The following GPR160 variants were observed in gnomAD, a reference collection of about 807,000 sequenced individuals.
GPR160 encodes G protein-coupled receptor 160.
In GPR160, 2 loss-of-function variants were observed where a neutral mutation model predicts 2.6. That is an observed-to-expected ratio of 0.77 (90% confidence interval 0.32 to 2.44). GPR160 has a LOEUF of 2.44. GPR160 is among the 30% of genes most tolerant of loss of function. GPR160 has a pLI of 0.11. For missense variants in GPR160, 351 were observed against 383.6 expected (o/e 0.91, Z 0.71); for synonymous variants, 130 against 132.2 (o/e 0.98, Z 0.12).
chr3:170,048,567 A>C (rs1716830634), intron 2 of GPR160, among the ~76,000 whole-genome samples: 1 of 152,144 alleles, frequency 6.6e-6, no homozygotes, highest in African/African-American at 2.4e-5. Flanking sequence ...CATCATTCCA[A>C]TTTGAATGCA....
intron 3 of GPR160, among the ~76,000 whole-genome samples, chr3:170,081,760 G>A (rs941048505): frequency 6.6e-6 from 1 of 152,032 alleles, no homozygotes; most frequent in African/African-American, 2.4e-5. Flanking sequence ...AGTGTCCACT[G>A]TCCCCTTCTT....
intron 2 of GPR160, among the ~76,000 whole-genome samples, chr3:170,042,365 G>A (rs1000641324): frequency 6.7e-6 from 1 of 148,898 alleles, no homozygotes; most frequent in African/African-American, 2.5e-5. Context: ...AGGCTGCAGT[G>A]AGCCGTGATC....
In GPR160 at chr3:170,084,524, G is replaced by T. The variant is rs755737322; in HGVS notation, c.552G>T (p.Trp184Cys). Reference sequence around the variant, plus strand: ...TCTATGTCAGCATTCAGAGTTACTGGCTGTCATTTTTCATGGTGATGATTT... The same window carrying T: ...TCTATGTCAGCATTCAGAGTTACTGTCTGTCATTTTTCATGGTGATGATTT... ...CPFYVSIQSY[W>C]LSFFMVMILF... Residue 184 changes from tryptophan to cysteine, a missense_variant, in exon 4 of 4, where the codon TGG (tryptophan) becomes TGT (cysteine). Physicochemically the swap from Trp to Cys is radical, Grantham distance 215. Coordinates refer to ENST00000355897, the MANE Select transcript of GPR160 (RefSeq NM_014373.3). The T allele has an allele frequency of 6.2e-7, 1 of 1,612,662 alleles. No homozygotes were observed. Among genetic ancestry groups the T allele is most frequent in the Non-Finnish European group, 8.5e-7 (1 of 1,178,764 alleles).
chr3:170,041,298 A>ATTTTT (rs764849488), intron 2 of GPR160, among the ~76,000 whole-genome samples: 1 of 120,872 alleles, frequency 8.3e-6, no homozygotes, highest in African/African-American at 3.3e-5. Flanking sequence ...GGATGTAAAG[A>ATTTTT]TTTTTTTTTT....
chr3:170,042,025 A>G (rs1439670077), intron 2 of GPR160, among the ~76,000 whole-genome samples: 1 of 152,174 alleles, frequency 6.6e-6, no homozygotes, highest in Admixed American at 6.5e-5. Context: ...TAGAAAAGCA[A>G]ATGGCTCCCT....
chr3:170,046,597 G>A (rs1716729842), intron 2 of GPR160, among the ~76,000 whole-genome samples: 1 of 152,148 alleles, frequency 6.6e-6, no homozygotes, highest in African/African-American at 2.4e-5. Flanking sequence ...AAAGTACAAT[G>A]CCTGACTTGC....
chr3:170,065,629 C>A (rs1250698812), intron 2 of GPR160, among the ~76,000 whole-genome samples: 2 of 152,160 alleles, frequency 1.3e-5, no homozygotes, highest in Non-Finnish European at 2.9e-5. Context: ...TCATTTTATA[C>A]CTACACTTAA....
chr3:170,065,547 G>A (rs961571430), intron 2 of GPR160, among the ~76,000 whole-genome samples: 3 of 152,130 alleles, frequency 2.0e-5, no homozygotes, highest in Non-Finnish European at 4.4e-5. Flanking sequence ...TCCTCATTCT[G>A]ATGACGTATG....
At chr3:170,082,640 G>C (rs1266306062) in intron 3 of GPR160, among the ~76,000 whole-genome samples, 2 of 152,140 alleles carry the variant, frequency 1.3e-5, no homozygotes, top group Non-Finnish European at 2.9e-5. Context: ...CTGTCACCCA[G>C]GCTGGAGTGC....
At chr3:170,050,410 A>ATT (rs201539055) in intron 2 of GPR160, among the ~76,000 whole-genome samples, 7 of 134,434 alleles carry the variant, frequency 5.2e-5, no homozygotes, top group Admixed American at 7.5e-5. Flanking sequence ...TGCTTAGCTA[A>ATT]TTTTTTTTTT....
chr3:170,059,030 AACACACAC>A (rs10542909), intron 2 of GPR160, among the ~76,000 whole-genome samples: 43,891 of 148,758 alleles, frequency 0.3, 6,510 homozygotes, highest in East Asian at 0.49. Context: ...CACATGCACA[AACACACAC>A]ACACACACAC....
At chr3:170,053,553 T>A (rs1717048518) in intron 2 of GPR160, among the ~76,000 whole-genome samples, 1 of 152,200 alleles carries the variant, frequency 6.6e-6, no homozygotes, top group Non-Finnish European at 1.5e-5. Flanking sequence ...AATAGTTTTA[T>A]CTTATCCTTT....
At chr3:170,057,504 A>T (rs1262378624) in intron 2 of GPR160, 1 of 152,270 alleles carries the variant, frequency 6.6e-6, no homozygotes, top group Non-Finnish European at 1.5e-5. Flanking sequence ...GCTGATACCA[A>T]GGAGTTGGAG....
rs550286368 is a variant in GPR160 at position 170,059,595 on chromosome 3, G to A, written c.-192-20179G>A. Among the ~76,000 whole-genome samples the A allele has an allele frequency of 8.5e-5, 13 of 152,278 alleles. No individual in the cohort carries two copies. The South Asian group carries it at 2.7e-3, about 32-fold the overall frequency. ...CATTGAAATTCTGTATTCAATCACA[G>A]GAGTTGGAGTCTGCTTCCTGCTGGG... On this transcript the variant is annotated intron_variant, in intron 2 of 3. Transcript: ENST00000355897.
intron 2 of GPR160, among the ~76,000 whole-genome samples, chr3:170,047,251 C>G (rs1303291904): frequency 1.3e-5 from 2 of 152,090 alleles, no homozygotes; most frequent in East Asian, 3.9e-4. Context: ...ACACCCTCAC[C>G]GCATCCCCCC....
chr3:170,061,516 ATG>A (rs1711954544), intron 2 of GPR160, among the ~76,000 whole-genome samples: 1 of 152,108 alleles, frequency 6.6e-6, no homozygotes, highest in Non-Finnish European at 1.5e-5. Flanking sequence ...AATATGGACT[ATG>A]TATTAAATAC....
In GPR160 at chr3:170,047,575, C is replaced by T. The variant is rs534561187; in HGVS notation, c.-193+8532C>T. ...CTTTGATTAAAATTTATCATTATGA[C>T]GATATCAAAAAGACACCTGCATGCA... On this transcript the variant is annotated intron_variant, in intron 2 of 3. Transcript: ENST00000355897. Among the ~76,000 whole-genome samples, 48 of 151,916 alleles carry T rather than the reference C, an allele frequency of 3.2e-4. No homozygotes were observed. The South Asian group carries it at 5.0e-3, about 16-fold the overall frequency.
intron 2 of GPR160, among the ~76,000 whole-genome samples, chr3:170,067,897 GA>G (rs1559989276): frequency 6.6e-6 from 1 of 152,158 alleles, no homozygotes. Flanking sequence ...GCATGCTCAT[GA>G]TTCAGCTCAG....
chr3:170,056,693 C>T (rs905366509), intron 2 of GPR160, among the ~76,000 whole-genome samples: 3 of 152,130 alleles, frequency 2.0e-5, no homozygotes, highest in Non-Finnish European at 4.4e-5. Flanking sequence ...GTCAAAATAA[C>T]CTGCATTAAT....
Sources: allele counts gnomAD v4.1 joint callset (sites outside exome capture counted in the v4.1 genomes callset), GRCh38; gene constraint gnomAD v4.1.1; transcripts MANE v1.5; gene names NCBI Gene and HGNC (gene_info 2026-07-23, HGNC 2026-07-21).